ALCAM: variants seen among roughly 807,000 people sequenced by gnomAD.
The protein encoded by ALCAM is CD166 antigen.
In ALCAM, 30 loss-of-function variants were observed where a neutral mutation model predicts 70.9. That is an observed-to-expected ratio of 0.42 (90% CI 0.32 to 0.57). ALCAM has a LOEUF of 0.57. Among genes scored for constraint, ALCAM ranks in the 20% least tolerant of loss-of-function variants. The probability of loss-of-function intolerance (pLI) is 0.11; values close to 1 mark genes in which losing one functional copy is unlikely to be tolerated. For synonymous variants in ALCAM, 249 were observed against 242.5 expected, an observed-to-expected ratio of 1.03 and a Z score of -0.25; for missense variants, 591 against 695.1, an observed-to-expected ratio of 0.85 and a Z score of 1.68.
At chr3:105,499,384 C>T (rs966380741) in intron 1 of ALCAM, among the ~76,000 whole-genome samples, 2 of 152,156 alleles carry the variant, frequency 1.3e-5, no homozygotes, top group Admixed American at 1.3e-4. Context: ...AATTATGTGA[C>T]TCTTTCATAC....
At chr3:105,491,229 A>G (rs1014652967) in intron 1 of ALCAM, among the ~76,000 whole-genome samples, 1 of 152,176 alleles carries the variant, frequency 6.6e-6, no homozygotes, top group African/African-American at 2.4e-5. Context: ...ACCAAGTCCA[A>G]AGGCTGCACA....
chr3:105,371,255 A>G (rs1046841605), intron 1 of ALCAM, among the ~76,000 whole-genome samples: 1 of 152,164 alleles, frequency 6.6e-6, no homozygotes, highest in Non-Finnish European at 1.5e-5. Context: ...GTTTCTAACT[A>G]TGTCATGTAA....
rs1940947011 is a variant in ALCAM at position 105,575,607 on chromosome 3, A to C, written c.*1156A>C. ...TGTCTATGTATCTTTAGTTACATTC[A>C]AATTTGTAACTTTATAAACATGTTT... is the stretch of plus-strand genomic sequence containing the variant. On this transcript the variant is annotated 3_prime_UTR_variant, in exon 16 of 16. Transcript: ENST00000306107. 6.6e-6 allele frequency: 1 copy of C among 152,562 alleles called. No individual in the cohort carries two copies. Among genetic ancestry groups the C allele is most frequent in the Non-Finnish European group, 1.5e-5 (1 of 68,008 alleles). The allele number at this position is 152,562 out of a possible 1,614,324, so 9.5% of individuals were successfully genotyped here. A position where few individuals can be genotyped will look rare whatever the true frequency, so the allele number is the denominator to read the frequency against.
intron 14 of ALCAM, among the ~76,000 whole-genome samples, chr3:105,568,790 C>T (rs542992761): frequency 1.3e-5 from 2 of 152,140 alleles, no homozygotes; most frequent in Non-Finnish European, 2.9e-5. Context: ...ATTTTTGTCA[C>T]TCTCAAATAC....
chr3:105,456,322 C>A (rs1257034694), intron 1 of ALCAM, among the ~76,000 whole-genome samples: 1 of 152,158 alleles, frequency 6.6e-6, no homozygotes, highest in Non-Finnish European at 1.5e-5. Flanking sequence ...AGAACAGTTG[C>A]GGACTAAGCT....
chr3:105,399,383 T>C (rs1254586579), intron 1 of ALCAM, among the ~76,000 whole-genome samples: 3 of 152,138 alleles, frequency 2.0e-5, no homozygotes. Flanking sequence ...CTTTGTAAGT[T>C]TGAAAGTATA....
At chr3:105,523,680 ATTG>A (rs1939614365) in intron 2 of ALCAM, among the ~76,000 whole-genome samples, 1 of 152,196 alleles carries the variant, frequency 6.6e-6, no homozygotes, top group Non-Finnish European at 1.5e-5. Context: ...TTTTGAGCTC[ATTG>A]TTATGACTCA....
At chr3:105,427,260 G>C (rs1936813721) in intron 1 of ALCAM, among the ~76,000 whole-genome samples, 1 of 151,886 alleles carries the variant, frequency 6.6e-6, no homozygotes, top group Non-Finnish European at 1.5e-5. Flanking sequence ...TTTAGGAAAG[G>C]ACTCTCATTG....
rs182883503 is a variant in ALCAM at position 105,367,890 on chromosome 3, A to G, written c.73+409A>G. 1.2e-3 allele frequency among the ~76,000 whole-genome samples: 178 copies of G among 152,058 alleles called. 2 individuals are homozygous for G. In the East Asian group the frequency reaches 0.029, roughly 25 times the overall value. On this transcript the variant is annotated intron_variant, in intron 1 of 15. Transcript: ENST00000306107. ...TTTCGCTTAGTTCTCGGATGAAATAACTGCCGGCACTTTTTCGTGATAAAT... is the reference window on the plus strand; with the variant it reads ...TTTCGCTTAGTTCTCGGATGAAATAGCTGCCGGCACTTTTTCGTGATAAAT...
intron 1 of ALCAM, among the ~76,000 whole-genome samples, chr3:105,375,731 T>C (rs978502108): frequency 1.3e-5 from 2 of 152,188 alleles, no homozygotes; most frequent in Non-Finnish European, 2.9e-5. Flanking sequence ...ATGAGATTTC[T>C]CAGTAATCAC....
intron 1 of ALCAM, among the ~76,000 whole-genome samples, chr3:105,446,247 G>A (rs1576168168): frequency 6.6e-6 from 1 of 152,006 alleles, no homozygotes; most frequent in South Asian, 2.1e-4. Flanking sequence ...TAATAATCAG[G>A]GAAAAGCAAA....
intron 1 of ALCAM, among the ~76,000 whole-genome samples, chr3:105,438,487 A>T (rs1937100962): frequency 6.6e-6 from 1 of 152,184 alleles, no homozygotes; most frequent in South Asian, 2.1e-4. Flanking sequence ...ACTAGGGAGG[A>T]TTTAATCGAT....
intron 1 of ALCAM, among the ~76,000 whole-genome samples, chr3:105,466,058 A>G (rs561400703): frequency 1.3e-5 from 2 of 151,586 alleles, no homozygotes; most frequent in East Asian, 1.9e-4. Flanking sequence ...CACAGTTTCT[A>G]TTTTAAAAAT....
chr3:105,575,983 A>G lies in ALCAM; in HGVS notation c.*1532A>G, dbSNP rs1411853666. ...ACTTTGCCACTTCTGCATTATTTAG[A>G]AACATACGTTATTGTACATTTGTAA... On this transcript the variant is annotated 3_prime_UTR_variant, in exon 16 of 16. Transcript: ENST00000306107. 1.3e-5 allele frequency: 2 copies of G among 152,204 alleles called. No individual in the cohort carries two copies. Among genetic ancestry groups the G allele is most frequent in the Admixed American group, 6.6e-5 (1 of 15,264 alleles). The allele number at this position is 152,204 out of a possible 1,614,324, so 9.4% of individuals were successfully genotyped here.
intron 3 of ALCAM, among the ~76,000 whole-genome samples, chr3:105,527,690 C>A (rs1939739135): frequency 6.6e-6 from 1 of 152,028 alleles, no homozygotes; most frequent in Non-Finnish European, 1.5e-5. Flanking sequence ...TACTCTGGTG[C>A]TGCTCTGTGG....
chr3:105,531,642 G>A (rs930709636), intron 3 of ALCAM, among the ~76,000 whole-genome samples: 2 of 151,810 alleles, frequency 1.3e-5, no homozygotes, highest in African/African-American at 4.8e-5. Context: ...TAATGAGCTG[G>A]AAGTTACTGA....
chr3:105,423,347 A>C (rs897930736), intron 1 of ALCAM, among the ~76,000 whole-genome samples: 1 of 151,344 alleles, frequency 6.6e-6, no homozygotes, highest in Admixed American at 6.6e-5. Context: ...ATTTGAGTAC[A>C]GATTCTTTTG....
chr3:105,417,753 T>C (rs901228419), intron 1 of ALCAM, among the ~76,000 whole-genome samples: 3 of 151,786 alleles, frequency 2.0e-5, no homozygotes, highest in African/African-American at 4.8e-5. Flanking sequence ...ATAAAGTTGT[T>C]CTTCCAAAGT....
At chr3:105,556,585 G>A (rs1242272364) in intron 14 of ALCAM, among the ~76,000 whole-genome samples, 26 of 151,848 alleles carry the variant, frequency 1.7e-4, no homozygotes, top group South Asian at 4.2e-4. Flanking sequence ...TTGGCTGAAG[G>A]GCTAAAGAGG....
Sources: allele counts gnomAD v4.1 joint callset (sites outside exome capture counted in the v4.1 genomes callset), GRCh38; gene constraint gnomAD v4.1.1; transcripts MANE v1.5; gene names NCBI Gene and HGNC (gene_info 2026-07-23, HGNC 2026-07-21).